Variants in GRIA4 observed in about 807,000 individuals in gnomAD.
The protein encoded by GRIA4 is glutamate ionotropic receptor AMPA type subunit 4.
In GRIA4, 34 loss-of-function variants were observed where a neutral mutation model predicts 104.0. The ratio of observed to expected loss-of-function variants is 0.33; its 90% CI spans 0.25 to 0.44. The LOEUF (loss-of-function observed/expected upper bound fraction) is 0.44, where lower values mean the gene tolerates loss of function less well. Ranked by LOEUF, GRIA4 falls within the 20% of genes least tolerant of loss-of-function variation. GRIA4 has a pLI of 1.00. For missense variants in GRIA4, 750 were observed against 1,096.5 expected, an observed-to-expected ratio of 0.68 and a Z score of 4.46; for synonymous variants, 386 against 381.9, an observed-to-expected ratio of 1.01 and a Z score of -0.13.
At chr11:105,772,186 A>C (rs1415386100) in intron 4 of GRIA4, among the ~76,000 whole-genome samples, 1 of 152,182 alleles carries the variant, frequency 6.6e-6, no homozygotes, top group Admixed American at 6.6e-5. Context: ...TGCAGTAAAA[A>C]GAGATTATTC....
At chr11:105,745,666 A>G (rs924151977) in intron 3 of GRIA4, among the ~76,000 whole-genome samples, 5 of 152,152 alleles carry the variant, frequency 3.3e-5, no homozygotes, top group African/African-American at 4.8e-5. Flanking sequence ...TATAGTTTCT[A>G]TCTAGTTCAT....
intron 4 of GRIA4, among the ~76,000 whole-genome samples, chr11:105,811,254 A>C (rs1943160998): frequency 6.6e-6 from 1 of 152,180 alleles, no homozygotes; most frequent in Non-Finnish European, 1.5e-5. Flanking sequence ...ACACATTGTG[A>C]CTTTCAGATG....
At chr11:105,719,890 C>T (rs1376277964) in intron 3 of GRIA4, among the ~76,000 whole-genome samples, 2 of 152,052 alleles carry the variant, frequency 1.3e-5, no homozygotes, top group Non-Finnish European at 2.9e-5. Flanking sequence ...AACTAACACT[C>T]TTACAGATCA....
At chr11:105,651,312 A>G (rs759036764) in intron 3 of GRIA4, among the ~76,000 whole-genome samples, 2 of 152,086 alleles carry the variant, frequency 1.3e-5, no homozygotes, top group Non-Finnish European at 2.9e-5. Context: ...TGTATTAGGT[A>G]AACTGAAGCA....
chr11:105,858,225 T>C (rs1359936703), intron 4 of GRIA4, among the ~76,000 whole-genome samples: 1 of 152,190 alleles, frequency 6.6e-6, no homozygotes, highest in Non-Finnish European at 1.5e-5. Flanking sequence ...TTACTTTGAA[T>C]TTATTTATAT....
chr11:105,910,140 T>A (rs1355779683), intron 9 of GRIA4, among the ~76,000 whole-genome samples: 1 of 152,136 alleles, frequency 6.6e-6, no homozygotes, highest in Non-Finnish European at 1.5e-5. Flanking sequence ...CTGCATAAAA[T>A]AATGCACCGT....
intron 3 of GRIA4, among the ~76,000 whole-genome samples, chr11:105,665,394 T>C (rs1952134728): frequency 6.6e-6 from 1 of 151,984 alleles, no homozygotes; most frequent in South Asian, 2.1e-4. Context: ...ATTATATAGA[T>C]ACAAAGTGAC....
At chr11:105,730,953 G>C (rs1301363615) in intron 3 of GRIA4, among the ~76,000 whole-genome samples, 1 of 152,030 alleles carries the variant, frequency 6.6e-6, no homozygotes, top group Non-Finnish European at 1.5e-5. Flanking sequence ...AATACCCTCA[G>C]AACACAGGCC....
intron 10 of GRIA4, chr11:105,912,399 G>A: frequency 1.0e-6 from 1 of 959,166 alleles, no homozygotes; most frequent in Non-Finnish European, 1.2e-6. Context: ...GTTACTAAAG[G>A]GACTGGACAA....
intron 14 of GRIA4, among the ~76,000 whole-genome samples, chr11:105,939,349 A>G (rs1948128688): frequency 6.6e-6 from 1 of 152,168 alleles, no homozygotes; most frequent in South Asian, 2.1e-4. Context: ...GAAAATGAGT[A>G]ATTTTTGGCC....
intron 5 of GRIA4, among the ~76,000 whole-genome samples, chr11:105,873,896 G>T (rs1337507893): frequency 6.6e-6 from 1 of 152,046 alleles, no homozygotes; most frequent in Non-Finnish European, 1.5e-5. Context: ...AGTTTCTTTT[G>T]CTCTGCAGAA....
rs1320339983 is a variant in GRIA4 at position 105,771,605 on chromosome 11, C to T, written c.487+18385C>T. Among the ~76,000 whole-genome samples the T allele has an allele frequency of 3.3e-5, 5 of 152,066 alleles. No individual in the cohort carries two copies. In the South Asian group the frequency reaches 6.2e-4, roughly 19 times the overall value. ...TTGATTTACACAGTGTATATATGTT[C>T]GCTTATTCTTAGAAACTATGCACTG... is the stretch of plus-strand genomic sequence containing the variant. On this transcript the variant is annotated intron_variant, in intron 4 of 16. Transcript: ENST00000282499.
chr11:105,914,835 C>G (rs1292824375), intron 10 of GRIA4, among the ~76,000 whole-genome samples: 1 of 152,132 alleles, frequency 6.6e-6, no homozygotes, highest in Non-Finnish European at 1.5e-5. Context: ...AAATTGAACA[C>G]TTGGGAATTC....
At chr11:105,612,118 A>T (rs566368166) in intron 2 of GRIA4, among the ~76,000 whole-genome samples, 158 bp from the exon 3 acceptor site, 1 of 152,262 alleles carries the variant, frequency 6.6e-6, no homozygotes, top group South Asian at 2.1e-4. Flanking sequence ...AATACTAAGC[A>T]TGCACCTTAG....
At chr11:105,912,997 T>C (rs559886795) in intron 10 of GRIA4, 6 of 952,912 alleles carry the variant, frequency 6.3e-6, no homozygotes, top group Non-Finnish European at 7.5e-6. Flanking sequence ...TGATTGAAAT[T>C]GATATGGTGT....
intron 4 of GRIA4, chr11:105,797,692 G>A (rs1942540248): frequency 5.6e-6 from 2 of 354,190 alleles, no homozygotes; most frequent in Non-Finnish European, 5.7e-6. Context: ...ACTATAATGA[G>A]TTTCTTTGTG....
chr11:105,831,046 A>G (rs1350136622), intron 4 of GRIA4, among the ~76,000 whole-genome samples: 13 of 151,922 alleles, frequency 8.6e-5, no homozygotes, highest in Non-Finnish European at 1.9e-4. Flanking sequence ...AGCATTTATT[A>G]TTTCTAATGA....
chr11:105,819,364 G>T (rs12793964), intron 4 of GRIA4, among the ~76,000 whole-genome samples: 4 of 152,008 alleles, frequency 2.6e-5, no homozygotes, highest in Admixed American at 6.6e-5. Context: ...ATGATCATGA[G>T]CCTATTTTGG....
chr11:105,834,386 C>T (rs1251920279), intron 4 of GRIA4, among the ~76,000 whole-genome samples: 2 of 152,078 alleles, frequency 1.3e-5, no homozygotes, highest in East Asian at 3.9e-4. Flanking sequence ...GCATGCCACT[C>T]ATACATCTGT....
Sources: allele counts gnomAD v4.1 joint callset (sites outside exome capture counted in the v4.1 genomes callset), GRCh38; gene constraint gnomAD v4.1.1; transcripts MANE v1.5; gene names NCBI Gene and HGNC (gene_info 2026-07-23, HGNC 2026-07-21).